CSMD1: variants seen among roughly 807,000 people sequenced by gnomAD.
CSMD1 encodes the protein CUB and sushi domain-containing protein 1.
In CSMD1, 213 loss-of-function variants were observed where a neutral mutation model predicts 417.5. That is an observed-to-expected ratio of 0.51 (90% CI 0.46 to 0.57). The LOEUF is 0.57. CSMD1 is among the 20% of genes least tolerant of loss of function. CSMD1 has a pLI of 0.00. For synonymous variants in CSMD1, 2,862 were observed against 1,736.8 expected, an observed-to-expected ratio of 1.65 and a Z score of -16.11; for missense variants, 6,923 against 4,529.7, an observed-to-expected ratio of 1.53 and a Z score of -15.17.
intron 12 of CSMD1, among the ~76,000 whole-genome samples, chr8:3,425,090 C>T (rs556853189): frequency 6.6e-6 from 1 of 152,270 alleles, no homozygotes; most frequent in African/African-American, 2.4e-5. Flanking sequence ...TCCTCCTGTC[C>T]CAGCATCCCA....
intron 5 of CSMD1, among the ~76,000 whole-genome samples, chr8:3,963,359 T>C (rs1191019800): frequency 2.6e-5 from 4 of 152,224 alleles, no homozygotes; most frequent in Non-Finnish European, 5.9e-5. Flanking sequence ...GTGTGGTGTT[T>C]ACTTAGCAAG....
In CSMD1 at chr8:3,556,984, C is replaced by T. The variant is rs1219729695; in HGVS notation, c.1344+17961G>A. Reference sequence around the variant, plus strand: ...TGCTAAGTCAAGCAGAACCCAGCACCCAGTCCTTTGCAGTATCCTCTTTGT... The same window carrying T: ...TGCTAAGTCAAGCAGAACCCAGCACTCAGTCCTTTGCAGTATCCTCTTTGT... On this transcript the variant is annotated intron_variant, in intron 10 of 69. Coordinates refer to ENST00000635120, the MANE Select transcript of CSMD1 (RefSeq NM_033225.6). Among the ~76,000 whole-genome samples, 3 of 152,170 alleles carry T rather than the reference C, an allele frequency of 2.0e-5. 1 individual carries two copies. In the South Asian group the frequency reaches 6.2e-4, roughly 31 times the overall value.
At chr8:3,017,766 A>G (rs1270870144) in intron 52 of CSMD1, among the ~76,000 whole-genome samples, 3 of 149,458 alleles carry the variant, frequency 2.0e-5, no homozygotes, top group African/African-American at 7.4e-5. Context: ...ATGCAGATTC[A>G]GAAGCTTAAA....
rs1804263721 is a variant in CSMD1, at chr8:4,266,933, G to C, written c.415+153020C>G. ...ATTAATAAAAACCAAATGACATTTA[G>C]TAAAATATCTATTATTGAATAAAAT... On this transcript the variant is annotated intron_variant, in intron 3 of 69. Transcript: ENST00000635120. Among the ~76,000 whole-genome samples the C allele has an allele frequency of 2.9e-5, 3 of 103,886 alleles. 1 individual carries two copies. The highest frequency in any genetic ancestry group is 9.2e-5 in the Admixed American group (1 of 10,926). 68.2% of individuals were successfully genotyped at this position (103,886 alleles called of 152,430 possible). A position where few individuals can be genotyped will look rare whatever the true frequency, so the allele number is the denominator to read the frequency against.
At chr8:4,632,779 A>G (rs1362138930) in intron 2 of CSMD1, among the ~76,000 whole-genome samples, 2 of 152,162 alleles carry the variant, frequency 1.3e-5, no homozygotes, top group Admixed American at 1.3e-4. Flanking sequence ...TGGAATGCCT[A>G]GGGAAGATTT....
chr8:3,219,497 G>A (rs1460509062), intron 28 of CSMD1, 55 bp from the exon 29 acceptor site: 2 of 1,252,728 alleles, frequency 1.6e-6, no homozygotes, highest in Non-Finnish European at 1.1e-6. Context: ...TTATCTCCCA[G>A]AGTGGTAAGC....
intron 5 of CSMD1, among the ~76,000 whole-genome samples, chr8:3,773,355 C>T (rs1425925814): frequency 6.6e-6 from 1 of 152,184 alleles, no homozygotes; most frequent in African/African-American, 2.4e-5. Context: ...GCACTCTCAG[C>T]TCACTGTAGC....
At chr8:3,693,856 T>A (rs779417023) in intron 7 of CSMD1, among the ~76,000 whole-genome samples, 1 of 151,196 alleles carries the variant, frequency 6.6e-6, no homozygotes, top group Admixed American at 6.6e-5. Flanking sequence ...GGGTATATTA[T>A]GTGCTGTATG....
intron 5 of CSMD1, among the ~76,000 whole-genome samples, chr8:3,962,434 C>A (rs934742646): frequency 6.6e-6 from 1 of 152,210 alleles, no homozygotes; most frequent in South Asian, 2.1e-4. Context: ...CACCTCTCAG[C>A]TGGGTGATGT....
At position 3,205,530 on chromosome 8, in the gene CSMD1, T is replaced by G; in HGVS notation, c.4958A>C (p.Tyr1653Ser). The G allele has an allele frequency of 6.3e-7, 1 of 1,588,282 alleles. No homozygotes were observed. The highest frequency in any genetic ancestry group is 8.6e-7 in the Non-Finnish European group (1 of 1,161,106). ...HNYTAGQICL[Y>S]SITVPKEFVV... Reference sequence around the variant, plus strand: ...GAATTCCTTTGGTACCGTGATGGAATAGAGGCATATTTGACCAGCTGTGTA... The same window carrying G: ...GAATTCCTTTGGTACCGTGATGGAAGAGAGGCATATTTGACCAGCTGTGTA... Residue 1653 changes from tyrosine to serine, a missense_variant, in exon 31 of 70, where the codon TAT (tyrosine) becomes TCT (serine). Physicochemically the swap from Tyr to Ser is moderately radical, Grantham distance 144. Coordinates refer to ENST00000635120, the MANE Select transcript of CSMD1 (RefSeq NM_033225.6).
chr8:3,786,594 G>A lies in CSMD1; in HGVS notation c.819-32552C>T, dbSNP rs539023089. ...GCCTAGGATGGACAGGAAAATCGCT[G>A]TTGGGCTCTCTCAGCAAAGCAGTTG... On this transcript the variant is annotated intron_variant, in intron 5 of 69. Transcript: ENST00000635120. Among the ~76,000 whole-genome samples, 7 of 152,284 alleles carry A rather than the reference G, an allele frequency of 4.6e-5. No homozygotes were observed. The East Asian group carries it at 5.8e-4, about 13-fold the overall frequency.
chr8:3,085,785 G>A (rs372066526), intron 49 of CSMD1, among the ~76,000 whole-genome samples: 1 of 152,078 alleles, frequency 6.6e-6, no homozygotes, highest in Non-Finnish European at 1.5e-5. Context: ...CTCATAATCC[G>A]TTTCCAGAAC....
At chr8:3,471,861 T>G (rs1817124324) in intron 11 of CSMD1, among the ~76,000 whole-genome samples, 1 of 152,130 alleles carries the variant, frequency 6.6e-6, no homozygotes, top group Non-Finnish European at 1.5e-5. Flanking sequence ...TAAAGAAGAA[T>G]GTGGGCATAG....
chr8:3,394,035 TA>T lies in CSMD1; in HGVS notation c.2593+2158del, dbSNP rs71199569. 1.3e-3 allele frequency among the ~76,000 whole-genome samples: 131 copies of T among 99,264 alleles called. 4 individuals carry two copies. The highest frequency in any genetic ancestry group is 2.5e-3 in the South Asian group (9 of 3,584). 65.1% of individuals were successfully genotyped at this position (99,264 alleles called of 152,430 possible). ...AATTATATATATATATATATATATA[TA>T]TATATATATATATATATATAGAAAA... On this transcript the variant is annotated intron_variant, in intron 17 of 69. Transcript: ENST00000635120.
At chr8:3,464,630 G>T (rs987641452) in intron 12 of CSMD1, among the ~76,000 whole-genome samples, 1 of 149,354 alleles carries the variant, frequency 6.7e-6, no homozygotes, top group South Asian at 2.1e-4. Context: ...TTATATATAG[G>T]TAGAATCTAT....
intron 5 of CSMD1, among the ~76,000 whole-genome samples, chr8:3,868,595 C>G (rs568102290): frequency 5.6e-4 from 85 of 152,280 alleles, no homozygotes; most frequent in South Asian, 1.2e-3. Flanking sequence ...CCACTCAGCT[C>G]ACGCAATAGG....
At chr8:4,520,956 A>C (rs1298392382) in intron 2 of CSMD1, among the ~76,000 whole-genome samples, 1 of 152,100 alleles carries the variant, frequency 6.6e-6, no homozygotes, top group Non-Finnish European at 1.5e-5. Context: ...TGAATTTTTA[A>C]ATCTGCTGCT....
chr8:4,253,227 G>A (rs1803206566), intron 3 of CSMD1, among the ~76,000 whole-genome samples: 1 of 152,068 alleles, frequency 6.6e-6, no homozygotes, highest in African/African-American at 2.4e-5. Flanking sequence ...TATCATTCAT[G>A]GCCCAGATAA....
intron 3 of CSMD1, among the ~76,000 whole-genome samples, chr8:4,179,536 A>T (rs1427211875): frequency 6.6e-6 from 1 of 150,674 alleles, no homozygotes; most frequent in Non-Finnish European, 1.5e-5. Flanking sequence ...TTCATGTCTA[A>T]AACACCAAAA....
Sources: allele counts gnomAD v4.1 joint callset (sites outside exome capture counted in the v4.1 genomes callset), GRCh38; gene constraint gnomAD v4.1.1; transcripts MANE v1.5; gene names NCBI Gene and HGNC (gene_info 2026-07-23, HGNC 2026-07-21).